DLG2: variants seen among roughly 807,000 people sequenced by gnomAD.
The protein encoded by DLG2 is disks large homolog 2.
A neutral mutation model predicts 132.5 loss-of-function variants in DLG2; 45 were observed. The observed-to-expected ratio is 0.34, with a 90% CI of 0.27 to 0.44. DLG2 has a LOEUF of 0.44. Ranked by LOEUF, DLG2 falls within the 20% of genes least tolerant of loss-of-function variation. The probability of loss-of-function intolerance (pLI) is 1.00; values close to 1 mark genes in which losing one functional copy is unlikely to be tolerated. For synonymous variants in DLG2, 424 were observed against 419.6 expected, an observed-to-expected ratio of 1.01 and a Z score of -0.13; for missense variants, 1,045 against 1,196.9, an observed-to-expected ratio of 0.87 and a Z score of 1.87.
At position 85,559,152 on chromosome 11, in the gene DLG2, A is replaced by AT. The variant is rs1363947291; in HGVS notation, c.40+39504dup. On this transcript the variant is annotated intron_variant, in intron 3 of 27. Coordinates refer to ENST00000376104, the MANE Select transcript of DLG2 (RefSeq NM_001142699.3). The stretch of plus-strand genomic sequence containing the variant: ...ATATTATATGGCTTCCATTATTATT[A>AT]TTATTTTTTTTTTTTTTGAGACGGT... 4.3e-4 allele frequency among the ~76,000 whole-genome samples: 64 copies of AT among 149,004 alleles called. 1 individual carries two copies. The highest frequency in any genetic ancestry group is 1.6e-3 in the East Asian group (8 of 5,120).
intron 4 of DLG2, among the ~76,000 whole-genome samples, chr11:85,259,369 T>C (rs1199463055): frequency 6.6e-6 from 1 of 152,172 alleles, no homozygotes; most frequent in South Asian, 2.1e-4. Flanking sequence ...GAAGCCTGTA[T>C]ATCCTGCAGA....
At chr11:85,000,093 G>C (rs931990784) in intron 6 of DLG2, among the ~76,000 whole-genome samples, 1 of 151,956 alleles carries the variant, frequency 6.6e-6, no homozygotes, top group African/African-American at 2.4e-5. Flanking sequence ...ATTACCAAGT[G>C]GATTTTGTCC....
intron 14 of DLG2, among the ~76,000 whole-genome samples, chr11:83,939,305 G>T (rs12279346): frequency 0.076 from 11,637 of 152,178 alleles, 611 homozygotes; most frequent in Non-Finnish European, 0.12. Flanking sequence ...TCAGCAGACC[G>T]GTGGGCAGGG....
At chr11:84,510,948 G>A (rs1017379957) in intron 7 of DLG2, among the ~76,000 whole-genome samples, 5 of 152,136 alleles carry the variant, frequency 3.3e-5, no homozygotes, top group South Asian at 2.1e-4. Context: ...CTCCAAAGCC[G>A]AAAGAGGAGA....
chr11:84,850,763 A>G (rs1281411141), intron 6 of DLG2, among the ~76,000 whole-genome samples: 3 of 152,188 alleles, frequency 2.0e-5, no homozygotes, highest in African/African-American at 7.2e-5. Flanking sequence ...GAATAATCCA[A>G]AAATGAAATT....
chr11:83,581,862 T>A (rs1476019824), intron 19 of DLG2, among the ~76,000 whole-genome samples: 1 of 151,908 alleles, frequency 6.6e-6, no homozygotes, highest in Non-Finnish European at 1.5e-5. Flanking sequence ...TGAAACTGAG[T>A]TTAGGGAGAA....
chr11:84,084,641 G>A (rs977144980), intron 10 of DLG2, among the ~76,000 whole-genome samples: 1 of 152,168 alleles, frequency 6.6e-6, no homozygotes, highest in Non-Finnish European at 1.5e-5. Context: ...TCTCAACTGG[G>A]CTTTGACCTT....
intron 6 of DLG2, among the ~76,000 whole-genome samples, chr11:85,089,122 A>C (rs1350924203): frequency 6.6e-6 from 1 of 151,814 alleles, no homozygotes; most frequent in Non-Finnish European, 1.5e-5. Flanking sequence ...GTAAACTTCT[A>C]ATTTTTTTTT....
intron 6 of DLG2, among the ~76,000 whole-genome samples, chr11:84,799,952 G>A (rs142801266): frequency 2.9e-3 from 442 of 152,276 alleles, no homozygotes; most frequent in African/African-American, 9.9e-3. Context: ...TGCTTTATGA[G>A]AAGCTCTTTC....
chr11:83,842,470 T>C (rs1461810367), intron 16 of DLG2, among the ~76,000 whole-genome samples: 7 of 141,456 alleles, frequency 4.9e-5, no homozygotes, highest in Non-Finnish European at 1.0e-4. Context: ...AGCGTGCACC[T>C]GTAGTCCCAG....
chr11:84,201,415 G>A (rs2096591337), intron 8 of DLG2, among the ~76,000 whole-genome samples: 1 of 152,048 alleles, frequency 6.6e-6, no homozygotes, highest in Non-Finnish European at 1.5e-5. Flanking sequence ...CTTTTTTGTT[G>A]TTGTATCTCT....
At chr11:84,639,950 T>A (rs1048181660) in intron 6 of DLG2, 5 of 197,618 alleles carry the variant, frequency 2.5e-5, no homozygotes, top group Non-Finnish European at 5.0e-5. Flanking sequence ...ACTATTTCAA[T>A]TCTAAAATTT....
chr11:84,718,815 A>T (rs1042082170), intron 6 of DLG2, among the ~76,000 whole-genome samples: 1 of 152,208 alleles, frequency 6.6e-6, no homozygotes, highest in Non-Finnish European at 1.5e-5. Flanking sequence ...TCATTCACAT[A>T]CATCTTCCTG....
intron 6 of DLG2, among the ~76,000 whole-genome samples, chr11:84,871,701 T>C (rs1336997412): frequency 6.6e-6 from 1 of 151,806 alleles, no homozygotes; most frequent in Non-Finnish European, 1.5e-5. Flanking sequence ...TATAACTACA[T>C]CATTTCATTG....
chr11:84,243,017 C>CTCTCTCTCTCTCTCTCTCTCTATA (rs542476924), intron 8 of DLG2, among the ~76,000 whole-genome samples: 3 of 142,144 alleles, frequency 2.1e-5, no homozygotes, highest in Non-Finnish European at 4.5e-5. Flanking sequence ...CTCTCTCTCT[C>CTCTCTCTCTCTCTCTCTCTCTATA]TATATATATA....
chr11:84,652,691 T>C (rs1252133273), intron 6 of DLG2, among the ~76,000 whole-genome samples: 1 of 152,208 alleles, frequency 6.6e-6, no homozygotes, highest in Non-Finnish European at 1.5e-5. Flanking sequence ...ACTTACTGAA[T>C]ACCAGGGACC....
rs145501936 is a variant in DLG2 at position 84,441,778 on chromosome 11, C to A, written c.519+92792G>T. 2.5e-3 allele frequency among the ~76,000 whole-genome samples: 380 copies of A among 152,248 alleles called. 2 individuals carry two copies. The highest frequency in any genetic ancestry group is 8.7e-3 in the African/African-American group (360 of 41,542). On this transcript the variant is annotated intron_variant, in intron 7 of 27. Coordinates refer to ENST00000376104, the MANE Select transcript of DLG2 (RefSeq NM_001142699.3). ...GCCCTATATAGCTGGGGACACATAT[C>A]TATGAATAAATAAATCTCAGGTGTA...
chr11:85,209,894 T>G (rs1290620049), intron 4 of DLG2, among the ~76,000 whole-genome samples: 1 of 152,106 alleles, frequency 6.6e-6, no homozygotes, highest in Non-Finnish European at 1.5e-5. Flanking sequence ...CCAAGCAGAC[T>G]CCTGCCCTCA....
chr11:83,801,773 GAA>G, intron 17 of DLG2, among the ~76,000 whole-genome samples: 1 of 152,080 alleles, frequency 6.6e-6, no homozygotes, highest in East Asian at 1.9e-4. Context: ...CCCACCCCGA[GAA>G]AAGCTTCCCA....
Sources: allele counts gnomAD v4.1 joint callset (sites outside exome capture counted in the v4.1 genomes callset), GRCh38; gene constraint gnomAD v4.1.1; transcripts MANE v1.5; gene names NCBI Gene and HGNC (gene_info 2026-07-23, HGNC 2026-07-21).